The following UBTF variants were observed in gnomAD, a reference collection of about 807,000 sequenced individuals.
The protein encoded by UBTF is nucleolar transcription factor 1.
UBTF carries 8 observed loss-of-function variants against 112.3 expected under a neutral mutation model. That is an observed-to-expected ratio of 0.07 (90% confidence interval 0.04 to 0.13). UBTF has a LOEUF of 0.13. Among genes scored for constraint, UBTF ranks in the 10% least tolerant of loss-of-function variants. The pLI is 1.00. For synonymous variants in UBTF, 417 were observed against 373.1 expected, an observed-to-expected ratio of 1.12 and a Z score of -1.36; for missense variants, 457 against 982.1, an observed-to-expected ratio of 0.47 and a Z score of 7.15.
In UBTF at chr17:44,206,790, G is replaced by A; in HGVS notation, c.*452C>T. 1 of 200,794 alleles carries A rather than the reference G, an allele frequency of 5.0e-6. No homozygotes were observed. The highest frequency in any genetic ancestry group is 1.0e-5 in the Non-Finnish European group (1 of 100,042). 12.4% of individuals were successfully genotyped at this position (200,794 alleles called of 1,614,324 possible). On this transcript the variant is annotated 3_prime_UTR_variant, in exon 21 of 21. Transcript: ENST00000436088. ...CTCCTCCCCATGTTCCCTGCCTCCA[G>A]TTCCAATGCAGGGGTCCAGGTGGCA...
In UBTF at chr17:44,207,306, T is replaced by C; in HGVS notation, c.2231A>G (p.Glu744Gly). Residue 744 changes from glutamate (E) to glycine (G), a missense_variant, in exon 21 of 21, where the codon GAG becomes GGG. Physicochemically the swap from Glu to Gly is moderately conservative, Grantham distance 98. This residue lies in a region of UBTF where 139 missense variants were observed against 157.5 expected (regional missense o/e 0.88). Coordinates refer to ENST00000436088, the MANE Select transcript of UBTF (RefSeq NM_014233.4). Reference protein sequence around the residue: ...DEDDDEDEDNESEGSSSSSSS... With the variant: ...DEDDDEDEDNGSEGSSSSSSS... ...GGAGCTGGAGCTGCTGCCCTCGGACTCATTATCTTCATCCTCATCGTCATC... is the reference window on the plus strand; with the variant it reads ...GGAGCTGGAGCTGCTGCCCTCGGACCCATTATCTTCATCCTCATCGTCATC... The C allele has an allele frequency of 1.2e-6, 2 of 1,612,990 alleles. No individual in the cohort carries two copies. The highest frequency in any genetic ancestry group is 1.7e-6 in the Non-Finnish European group (2 of 1,179,584).
chr17:44,220,571 C>T (rs2047138844), upstream of UBTF, among the ~76,000 whole-genome samples: 3 of 152,174 alleles, frequency 2.0e-5, no homozygotes, highest in South Asian at 6.2e-4. Flanking sequence ...TCTTTACACC[C>T]CGGAAACGGC....
intron 2 of UBTF, among the ~76,000 whole-genome samples, chr17:44,217,340 T>C (rs1226693161): frequency 1.3e-5 from 2 of 152,080 alleles, no homozygotes; most frequent in African/African-American, 4.8e-5. Flanking sequence ...TGAGGCAAGG[T>C]AGGCAGGTGC....
chr17:44,218,347 T>A, intron 1 of UBTF, 51 bp from the exon 2 acceptor site: 1 of 1,141,192 alleles, frequency 8.8e-7, no homozygotes, highest in Non-Finnish European at 1.3e-6. Flanking sequence ...GGTGAACGAC[T>A]AACGACTTTC....
chr17:44,205,492 T>G lies in UBTF; in HGVS notation c.*1750A>C, dbSNP rs1057350823. ...AAATAGAACCTATAAACCCCTGTAC[T>G]TAATTCCAGGATTAGGACAAAGGAA... On this transcript the variant is annotated 3_prime_UTR_variant, in exon 21 of 21. Transcript: ENST00000436088. 6.6e-5 allele frequency: 10 copies of G among 152,296 alleles called. No individual in the cohort carries two copies. Among genetic ancestry groups the G allele is most frequent in the African/African-American group, 2.4e-4 (10 of 41,462 alleles). 9.4% of individuals were successfully genotyped at this position (152,296 alleles called of 1,614,324 possible).
At chr17:44,212,642 C>T (rs974453450) in intron 7 of UBTF, among the ~76,000 whole-genome samples, 177 bp downstream of exon 7, 7 of 152,176 alleles carry the variant, frequency 4.6e-5, no homozygotes, top group South Asian at 2.1e-4. Flanking sequence ...GGCTCATACA[C>T]GCACGCACAC....
chr17:44,212,754 T>C (rs1354480533), intron 7 of UBTF, 65 bp downstream of exon 7: 11 of 1,596,200 alleles, frequency 6.9e-6, no homozygotes, highest in Non-Finnish European at 8.5e-6. Flanking sequence ...CCGGCCGACC[T>C]GGCGCGGCTC....
rs372473113 is a variant in UBTF at position 44,210,139 on chromosome 17, G to A, written c.1611C>T (p.Asp537=). ...CCATTCCTACCTCATATCGCTTTTG[G>A]TCTTCGGCTGCCTTCTTAATCCACA... ...KLMWIKKAAE[D]QKRYERELSE... is the part of the protein sequence containing the mutation. The change falls in exon 15 of 21, where the codon GAC becomes GAT. Residue 537 remains aspartate (D), a synonymous_variant. Transcript: ENST00000436088. 31 of 1,614,078 alleles carry A rather than the reference G, an allele frequency of 1.9e-5. No homozygotes were observed. The African/African-American group carries it at 3.7e-4, about 19-fold the overall frequency.
chr17:44,212,060 CA>C, intron 8 of UBTF, 54 bp from the exon 9 acceptor site: 2 of 1,545,160 alleles, frequency 1.3e-6, no homozygotes, highest in Non-Finnish European at 1.8e-6. Flanking sequence ...TTAGCTAGGG[CA>C]GGGGCAGGGG....
At chr17:44,215,484 T>C in intron 5 of UBTF, 170 bp downstream of exon 5, 1 of 765,594 alleles carries the variant, frequency 1.3e-6, no homozygotes, top group East Asian at 2.7e-5. Flanking sequence ...TGACCATGTG[T>C]GGGCCGAGGA....
chr17:44,210,038 G>T, intron 15 of UBTF, 86 bp downstream of exon 15: 1 of 1,376,158 alleles, frequency 7.3e-7, no homozygotes, highest in Non-Finnish European at 1.0e-6. Context: ...CACAGACCAA[G>T]GCTGGGACTT....
intron 18 of UBTF, 24 bp downstream of exon 18, chr17:44,207,840 C>A: frequency 6.2e-7 from 1 of 1,614,120 alleles, no homozygotes; most frequent in Non-Finnish European, 8.5e-7. Flanking sequence ...CCCTACCCCA[C>A]TGCTGCTCTG....
chr17:44,213,019 C>T (rs1598247534), intron 6 of UBTF, 80 bp from the exon 7 acceptor site: 1 of 1,578,296 alleles, frequency 6.3e-7, no homozygotes, highest in Non-Finnish European at 8.6e-7. Flanking sequence ...CCCACCAAGC[C>T]TCCTGGGCCT....
chr17:44,216,085 TACTAG>T (rs1327403710), intron 3 of UBTF, 96 bp from the exon 4 acceptor site: 4 of 989,294 alleles, frequency 4.0e-6, no homozygotes, highest in African/African-American at 1.6e-5. Flanking sequence ...TTCTACTCTT[TACTAG>T]ACTAAATTTA....
chr17:44,211,690 G>A lies in UBTF; in HGVS notation c.963C>T (p.Ser321=). 6.2e-7 allele frequency: 1 copy of A among 1,610,154 alleles called. No homozygotes were observed. Among genetic ancestry groups the A allele is most frequent in the Non-Finnish European group, 8.5e-7 (1 of 1,180,002 alleles). ...ELMANMKDVP[S]TERMVLCSQQ... The stretch of plus-strand genomic sequence containing the variant: ...GGCTGCACAGCACCATGCGCTCTGT[G>A]CTGGGCACGTCCTTCATGTTGGCCA... The change falls in exon 10 of 21, where the codon AGC becomes AGT. Residue 321 remains serine (S), a synonymous_variant. Coordinates refer to ENST00000436088, the MANE Select transcript of UBTF (RefSeq NM_014233.4). The surrounding 1 kb of genome is among the most constrained non-coding windows in gnomAD (Gnocchi z 4.9).
chr17:44,216,543 C>T lies in UBTF; in HGVS notation c.220G>A (p.Glu74Lys). Residue 74 changes from glutamate (E) to lysine (K), a missense_variant, in exon 3 of 21, where the codon GAG (glutamate) becomes AAG (lysine). Glu to Lys is a moderately conservative substitution (Grantham distance 56, BLOSUM62 1). Around this residue, in one of 7 missense-constraint regions of UBTF, gnomAD observed 26 missense variants for 132.9 expected, o/e 0.20. Transcript: ENST00000436088. ...SGDMCKLKWV[E>K]ISNEVRKFRT... ...GGATCAGTTACCTCATTAGAAATCTCCACCCATTTGAGCTTGCACATGTCT... is the reference window on the plus strand; with the variant it reads ...GGATCAGTTACCTCATTAGAAATCTTCACCCATTTGAGCTTGCACATGTCT... 6.2e-7 allele frequency: 1 copy of T among 1,614,190 alleles called. No individual in the cohort carries two copies. The highest frequency in any genetic ancestry group is 8.5e-7 in the Non-Finnish European group (1 of 1,180,016).
chr17:44,207,507 C>T lies in UBTF; in HGVS notation c.2116G>A (p.Gly706Ser). The T allele has an allele frequency of 6.2e-7, 1 of 1,614,082 alleles. No individual in the cohort carries two copies. Among genetic ancestry groups the T allele is most frequent in the Non-Finnish European group, 8.5e-7 (1 of 1,180,028 alleles). Residue 706 changes from glycine (G) to serine (S), a missense_variant, in exon 20 of 21, where the codon GGC (glycine) becomes AGC (serine). Coordinates refer to ENST00000436088, the MANE Select transcript of UBTF (RefSeq NM_014233.4). Reference protein sequence around the residue: ...DDENGDSSEDGGDSSESSSED... With the variant: ...DDENGDSSEDSGDSSESSSED... ...CTGCTGGACTCAGAGGAGTCGCCGC[C>T]ATCTTCAGAGGAGTCCCCATTCTCA... is the stretch of plus-strand genomic sequence containing the variant.
chr17:44,218,400 A>T, intron 1 of UBTF, 104 bp from the exon 2 acceptor site: 1 of 664,372 alleles, frequency 1.5e-6, no homozygotes. Flanking sequence ...ACTCTGAGAG[A>T]CTCAGCCATG....
chr17:44,209,400 G>A lies in UBTF; in HGVS notation c.1857C>T (p.Ala619=), dbSNP rs368630504. The A allele has an allele frequency of 1.8e-5, 29 of 1,613,598 alleles. No individual in the cohort carries two copies. In the African/African-American group the frequency reaches 3.1e-4, roughly 17 times the overall value. Reference sequence around the variant, plus strand: ...CCTTGTACTGCTTTTGCTGCTCCTCGGCCAGCTTTTTGTAGTGCTCCTTCT... The same window carrying A: ...CCTTGTACTGCTTTTGCTGCTCCTCAGCCAGCTTTTTGTAGTGCTCCTTCT... ...QSQKEHYKKL[A]EEQQKQYKVH... Residue 619 remains alanine (A), a synonymous_variant, in exon 17 of 21, where the codon GCC becomes GCT. Coordinates refer to ENST00000436088, the MANE Select transcript of UBTF (RefSeq NM_014233.4).
Sources: gnomAD v4.1 joint callset for allele counts (sites outside exome capture counted in the v4.1 genomes callset) on GRCh38, gnomAD v4.1.1 for gene constraint, gnomAD v4.1.1 regional missense constraint, Gnocchi (gnomAD v3.1) non-coding constraint, MANE v1.5 for transcripts, NCBI Gene and HGNC (gene_info 2026-07-23, HGNC 2026-07-21) for gene names.